SEPTIN9: variants seen among roughly 807,000 people sequenced by gnomAD.
The protein encoded by SEPTIN9 is septin-9.
In SEPTIN9, 13 loss-of-function variants were observed where a neutral mutation model predicts 56.6. The ratio of observed to expected loss-of-function variants is 0.23; its 90% CI spans 0.15 to 0.37. The LOEUF (loss-of-function observed/expected upper bound fraction) is 0.37, where lower values mean the gene tolerates loss of function less well. Among genes scored for constraint, SEPTIN9 ranks in the 10% least tolerant of loss-of-function variants. SEPTIN9 has a pLI of 1.00. For missense variants in SEPTIN9, 650 were observed against 823.1 expected, an observed-to-expected ratio of 0.79 and a Z score of 2.57; for synonymous variants, 332 against 334.1, an observed-to-expected ratio of 0.99 and a Z score of 0.07.
chr17:77,373,462 G>A, intron 2 of SEPTIN9: 9 of 1,514,832 alleles, frequency 5.9e-6, no homozygotes, highest in South Asian at 1.2e-5. Context: ...CTTCCTCGCC[G>A]CTGCCCTCCG....
At chr17:77,388,038 G>A (rs1229482047) in intron 2 of SEPTIN9, among the ~76,000 whole-genome samples, 1 of 152,052 alleles carries the variant, frequency 6.6e-6, no homozygotes, top group Non-Finnish European at 1.5e-5. Flanking sequence ...ACTCCTCCCT[G>A]GGCTTCTGCC....
intron 1 of SEPTIN9, among the ~76,000 whole-genome samples, chr17:77,288,852 C>A (rs1351055186): frequency 6.6e-6 from 1 of 152,132 alleles, no homozygotes; most frequent in Non-Finnish European, 1.5e-5. Flanking sequence ...ACCATGGAGG[C>A]ACCGGTAGTG....
chr17:77,390,101 G>A (rs1013666209), intron 2 of SEPTIN9, among the ~76,000 whole-genome samples: 29 of 152,138 alleles, frequency 1.9e-4, no homozygotes, highest in Non-Finnish European at 3.2e-4. Context: ...TTCAAGAAGA[G>A]GACCCAAGGC....
Position 77,487,493 on chromosome 17 carries a change from T to C in SEPTIN9, c.983T>C (p.Val328Ala), listed in dbSNP as rs2039842528. The change falls in exon 5 of 12, where the codon GTG (valine) becomes GCG (alanine). Residue 328 changes from valine to alanine, a missense_variant. By Grantham distance (64) the Val-to-Ala change is moderately conservative. Coordinates refer to ENST00000427177, the MANE Select transcript of SEPTIN9 (RefSeq NM_001113491.2). This position sits in a 1 kb window ranked among gnomAD's most constrained non-coding sequence, Gnocchi z 4.3. The part of the protein sequence containing the change: ...LFKSKISRKS[V>A]QPTSEERIPK... ...AAATCCAAAATCAGCCGGAAGTCGG[T>C]GCAGCCCACCTCAGAGGAGCGCATC... 1 of 1,613,280 alleles carries C rather than the reference T, an allele frequency of 6.2e-7. No homozygotes were observed. The highest frequency in any genetic ancestry group is 1.7e-5 in the Admixed American group (1 of 59,960).
At chr17:77,373,391 C>G (rs148740327) in intron 2 of SEPTIN9, 2 of 1,252,556 alleles carry the variant, frequency 1.6e-6, no homozygotes, top group African/African-American at 1.6e-5. Context: ...TAGCTCTGCA[C>G]TGCAGGAGCG....
intron 1 of SEPTIN9, among the ~76,000 whole-genome samples, chr17:77,290,228 A>C (rs145051321): frequency 6.6e-6 from 1 of 151,612 alleles, no homozygotes; most frequent in African/African-American, 2.4e-5. Context: ...GACTGGCTTC[A>C]ACCCTAGAGC....
chr17:77,477,529 G>A (rs766665217), intron 3 of SEPTIN9, among the ~76,000 whole-genome samples: 4 of 152,194 alleles, frequency 2.6e-5, no homozygotes, highest in Non-Finnish European at 4.4e-5. Context: ...GTTTCTCCAC[G>A]CATCTGTTGG....
chr17:77,423,965 G>T (rs2036802351), intron 3 of SEPTIN9, among the ~76,000 whole-genome samples: 2 of 25,346 alleles, frequency 7.9e-5, no homozygotes, highest in Admixed American at 8.0e-4. Flanking sequence ...ACTCTGCCAG[G>T]GCATGTCGCT....
chr17:77,320,873 G>A lies in SEPTIN9; in HGVS notation c.76+13676G>A, dbSNP rs1304895828. Among the ~76,000 whole-genome samples the A allele has an allele frequency of 4.6e-5, 7 of 152,250 alleles. No individual in the cohort carries two copies. The East Asian group carries it at 1.2e-3, about 25-fold the overall frequency. On this transcript the variant is annotated intron_variant, in intron 2 of 11. Coordinates refer to ENST00000427177, the MANE Select transcript of SEPTIN9 (RefSeq NM_001113491.2). ...CCCGGCGCTCAGAGGAGCCTGGCGT[G>A]TGTGTGCACGTGTGTGTGCATGTGT...
chr17:77,428,091 G>A (rs1355749401), intron 3 of SEPTIN9, among the ~76,000 whole-genome samples: 3 of 152,198 alleles, frequency 2.0e-5, no homozygotes, highest in African/African-American at 4.8e-5. Flanking sequence ...ACAGCAACCC[G>A]GGAGGCACAG....
At chr17:77,341,811 A>G (rs1598218833) in intron 2 of SEPTIN9, among the ~76,000 whole-genome samples, 1 of 142,570 alleles carries the variant, frequency 7.0e-6, no homozygotes, top group African/African-American at 2.6e-5. Flanking sequence ...GGCCGGGCGC[A>G]GTGGCTCACG....
Position 77,405,042 on chromosome 17 carries a change from C to T in SEPTIN9, c.721+2339C>T, listed in dbSNP as rs1271629864. ...TGTGTTCACACTCAGCTGAGTCAAA[C>T]AGGATGTGGCTGGGGAGGCGGTTGT... On this transcript the variant is annotated intron_variant, in intron 3 of 11. Transcript: ENST00000427177. This position sits in a 1 kb window ranked among gnomAD's most constrained non-coding sequence, Gnocchi z 5.8. 2.0e-6 allele frequency: 3 copies of T among 1,528,988 alleles called. No individual in the cohort carries two copies. In the African/African-American group the frequency reaches 4.1e-5, roughly 21 times the overall value. 94.7% of individuals were successfully genotyped at this position (1,528,988 alleles called of 1,614,324 possible).
chr17:77,471,830 G>C (rs1020502899), intron 3 of SEPTIN9, among the ~76,000 whole-genome samples: 1 of 152,230 alleles, frequency 6.6e-6, no homozygotes, highest in African/African-American at 2.4e-5. Flanking sequence ...CTTTGAGGTA[G>C]GGGCCGCTCC....
chr17:77,486,535 C>CGCGTGT (rs1555679147), intron 4 of SEPTIN9, among the ~76,000 whole-genome samples: 6 of 120,406 alleles, frequency 5.0e-5, no homozygotes, highest in African/African-American at 1.9e-4. Flanking sequence ...CGCACGCGCG[C>CGCGTGT]GCGTGTTATA....
chr17:77,487,326 G>C lies in SEPTIN9; in HGVS notation c.914-98G>C. ...GTAGCCCAGGCACTGCTGAATCTCAGACTGGAGAGCCTCGTGCCTGGGTGG... is the reference window on the plus strand; with the variant it reads ...GTAGCCCAGGCACTGCTGAATCTCACACTGGAGAGCCTCGTGCCTGGGTGG... On this transcript the variant is annotated intron_variant, in intron 4 of 11. Coordinates refer to ENST00000427177, the MANE Select transcript of SEPTIN9 (RefSeq NM_001113491.2). This position sits in a 1 kb window ranked among gnomAD's most constrained non-coding sequence, Gnocchi z 4.3. 2.2e-6 allele frequency: 3 copies of C among 1,356,232 alleles called. No individual in the cohort carries two copies. Among genetic ancestry groups the C allele is most frequent in the Non-Finnish European group, 2.1e-6 (2 of 973,538 alleles). The allele number at this position is 1,356,232 out of a possible 1,614,324, so 84.0% of individuals were successfully genotyped here.
At chr17:77,424,590 T>C (rs1288124525) in intron 3 of SEPTIN9, among the ~76,000 whole-genome samples, 1 of 152,212 alleles carries the variant, frequency 6.6e-6, no homozygotes, top group Non-Finnish European at 1.5e-5. Context: ...CAGGACTCTG[T>C]TCCTGTGAGG....
At position 77,437,047 on chromosome 17, in the gene SEPTIN9, TGG is replaced by T. The variant is rs1251498676; in HGVS notation, c.721+34347_721+34348del. Among the ~76,000 whole-genome samples the T allele has an allele frequency of 3.9e-5, 6 of 152,186 alleles. No individual in the cohort carries two copies. Among genetic ancestry groups the T allele is most frequent in the African/African-American group, 1.4e-4 (6 of 41,446 alleles). On this transcript the variant is annotated intron_variant, in intron 3 of 11. Transcript: ENST00000427177. This position sits in a 1 kb window ranked among gnomAD's most constrained non-coding sequence, Gnocchi z 5.3. ...GCCGAGAGAGGTGAAGTGAGTTCCCTGGGGTCACACAGCCTAGCCAGGCCCAG... is the reference window on the plus strand; with the variant it reads ...GCCGAGAGAGGTGAAGTGAGTTCCCTGGTCACACAGCCTAGCCAGGCCCAG...
chr17:77,451,651 G>A lies in SEPTIN9; in HGVS notation c.722-30493G>A. The A allele has an allele frequency of 3.9e-6, 3 of 767,390 alleles. No individual in the cohort carries two copies. The highest frequency in any genetic ancestry group is 4.8e-6 in the Non-Finnish European group (3 of 630,624). 47.5% of individuals were successfully genotyped at this position (767,390 alleles called of 1,614,324 possible). On this transcript the variant is annotated intron_variant, in intron 3 of 11. Coordinates refer to ENST00000427177, the MANE Select transcript of SEPTIN9 (RefSeq NM_001113491.2). The surrounding 1 kb of genome is among the most constrained non-coding windows in gnomAD (Gnocchi z 4.2). Reference sequence around the variant, plus strand: ...GGTGCCGGGAGCCACGCTGTCCCTGGGCCCCGGCCCGAGGCCGGCAGGACC... The same window carrying A: ...GGTGCCGGGAGCCACGCTGTCCCTGAGCCCCGGCCCGAGGCCGGCAGGACC...
At position 77,499,911 on chromosome 17, in the gene SEPTIN9, T is replaced by G. The variant is rs748692946; in HGVS notation, c.*1253T>G. On this transcript the variant is annotated 3_prime_UTR_variant, in exon 12 of 12. Transcript: ENST00000427177. ...GAGAACGGGCGTCAGGGGTGCACAG[T>G]CCACAGCTGAAGAGCAAGGTTTCGT... is the stretch of plus-strand genomic sequence containing the variant. 54 of 251,170 alleles carry G rather than the reference T, an allele frequency of 2.1e-4. No individual in the cohort carries two copies. Among genetic ancestry groups the G allele is most frequent in the Admixed American group, 4.4e-4 (9 of 20,298 alleles). The allele number at this position is 251,170 out of a possible 1,614,324, so 15.6% of individuals were successfully genotyped here. A position where few individuals can be genotyped will look rare whatever the true frequency, so the allele number is the denominator to read the frequency against.
Sources: allele counts gnomAD v4.1 joint callset (sites outside exome capture counted in the v4.1 genomes callset), GRCh38; gene constraint gnomAD v4.1.1; non-coding constraint Gnocchi (gnomAD v3.1); transcripts MANE v1.5; gene names NCBI Gene and HGNC (gene_info 2026-07-23, HGNC 2026-07-21).